The following TRAPPC9 variants were observed in gnomAD, a reference collection of about 807,000 sequenced individuals.
TRAPPC9 encodes trafficking protein particle complex subunit 9.
TRAPPC9 carries 83 observed loss-of-function variants against 124.0 expected under a neutral mutation model. That is an observed-to-expected ratio of 0.67 (90% CI 0.56 to 0.80). TRAPPC9 has a LOEUF of 0.80. Among genes scored for constraint, TRAPPC9 ranks in the 30% least tolerant of loss-of-function variants. TRAPPC9 has a pLI of 0.00. For missense variants in TRAPPC9, 1,302 were observed against 1,508.3 expected (o/e 0.86, Z 2.27); for synonymous variants, 638 against 617.5 (o/e 1.03, Z -0.49).
chr8:140,263,685 A>G (rs1563893707), intron 15 of TRAPPC9, among the ~76,000 whole-genome samples: 1 of 152,226 alleles, frequency 6.6e-6, no homozygotes, highest in African/African-American at 2.4e-5. Flanking sequence ...GGAGGGGACA[A>G]TGGTCACAGA....
At chr8:140,450,727 G>T in intron 2 of TRAPPC9, 63 bp downstream of exon 2, 2 of 1,264,318 alleles carry the variant, frequency 1.6e-6, no homozygotes, top group South Asian at 1.3e-5. Flanking sequence ...ATGAAATTCT[G>T]CCCTGTGCTT....
intron 17 of TRAPPC9, among the ~76,000 whole-genome samples, chr8:140,052,019 C>A (rs1842033332): frequency 1.3e-5 from 2 of 152,088 alleles, no homozygotes; most frequent in African/African-American, 4.8e-5. Context: ...CTCTCCAGCA[C>A]CAGTAGTTAA....
At chr8:140,235,385 G>A (rs2063707750) in intron 16 of TRAPPC9, among the ~76,000 whole-genome samples, 1 of 152,154 alleles carries the variant, frequency 6.6e-6, no homozygotes, top group African/African-American at 2.4e-5. Context: ...TAAAATGTGT[G>A]CAATACTCAT....
intron 17 of TRAPPC9, among the ~76,000 whole-genome samples, chr8:140,129,489 A>C (rs2061164889): frequency 6.6e-6 from 1 of 152,158 alleles, no homozygotes; most frequent in Non-Finnish European, 1.5e-5. Flanking sequence ...ATCGGAGCCA[A>C]GGAGGGGTCT....
intron 9 of TRAPPC9, among the ~76,000 whole-genome samples, chr8:140,328,674 T>C (rs2066806186): frequency 6.6e-6 from 1 of 151,920 alleles, no homozygotes; most frequent in Admixed American, 6.6e-5. Context: ...CTAAAGAACT[T>C]ACTCAGGTAA....
intron 21 of TRAPPC9, among the ~76,000 whole-genome samples, chr8:139,858,077 C>T (rs1827910053): frequency 6.6e-6 from 1 of 152,234 alleles, no homozygotes; most frequent in South Asian, 2.1e-4. Context: ...ACCAAAGCAT[C>T]ATGGCAAATA....
chr8:140,443,412 G>A (rs1313729229), intron 2 of TRAPPC9, among the ~76,000 whole-genome samples: 3 of 151,780 alleles, frequency 2.0e-5, no homozygotes, highest in Non-Finnish European at 4.4e-5. Flanking sequence ...CTCCAGCGTG[G>A]GCGACAGAGC....
At chr8:140,340,012 A>T (rs1484202113) in intron 9 of TRAPPC9, among the ~76,000 whole-genome samples, 5 of 152,008 alleles carry the variant, frequency 3.3e-5, no homozygotes, top group Non-Finnish European at 5.9e-5. Flanking sequence ...CACGCAGCTA[A>T]TTTTTTGTAT....
chr8:140,132,214 G>A (rs142904764), intron 17 of TRAPPC9, among the ~76,000 whole-genome samples: 71 of 152,256 alleles, frequency 4.7e-4, no homozygotes, highest in African/African-American at 1.6e-3. Context: ...ACAGTCCTCC[G>A]TCCAAAGGCT....
intron 7 of TRAPPC9, among the ~76,000 whole-genome samples, chr8:140,396,964 G>A (rs113603864): frequency 0.047 from 6,240 of 131,648 alleles, 422 homozygotes; most frequent in African/African-American, 0.15. Context: ...TTAGCACAAC[G>A]CCCTCCTAAG....
intron 17 of TRAPPC9, among the ~76,000 whole-genome samples, chr8:140,025,033 G>C (rs1246922350): frequency 6.6e-6 from 1 of 152,206 alleles, no homozygotes; most frequent in Non-Finnish European, 1.5e-5. Context: ...GGTACCCAGT[G>C]AGAGGCGAAG....
At chr8:140,234,639 TTG>T (rs1389068646) in intron 16 of TRAPPC9, among the ~76,000 whole-genome samples, 2 of 152,234 alleles carry the variant, frequency 1.3e-5, no homozygotes, top group Non-Finnish European at 2.9e-5. Flanking sequence ...AAGAAGGAAA[TTG>T]TGTAAGTCCT....
At chr8:140,136,283 C>G (rs1563788771) in intron 17 of TRAPPC9, among the ~76,000 whole-genome samples, 2 of 152,172 alleles carry the variant, frequency 1.3e-5, no homozygotes, top group Admixed American at 6.5e-5. Context: ...AGGTGACCAT[C>G]AGGGGATCCG....
At chr8:139,773,995 C>T (rs897333365) in intron 21 of TRAPPC9, among the ~76,000 whole-genome samples, 3 of 152,154 alleles carry the variant, frequency 2.0e-5, no homozygotes, top group Non-Finnish European at 2.9e-5. Flanking sequence ...AGGCCGGCTG[C>T]GAGGGGAGAG....
intron 19 of TRAPPC9, among the ~76,000 whole-genome samples, chr8:139,937,693 G>T (rs1004359592): frequency 6.6e-6 from 1 of 152,174 alleles, no homozygotes. Flanking sequence ...CCTGGCAGAC[G>T]GCAGGGCAGT....
At chr8:140,028,250 G>T (rs1460877179) in intron 17 of TRAPPC9, among the ~76,000 whole-genome samples, 2 of 152,094 alleles carry the variant, frequency 1.3e-5, no homozygotes, top group Non-Finnish European at 2.9e-5. Context: ...GACTTCATAA[G>T]ATGTTCCCAT....
At chr8:140,451,420 A>T in intron 1 of TRAPPC9, 37 bp from the exon 2 acceptor site, 1 of 1,551,588 alleles carries the variant, frequency 6.4e-7, no homozygotes, top group South Asian at 1.1e-5. Context: ...TGAGACACAG[A>T]GTCCTGAGTG....
chr8:140,275,754 T>C lies in TRAPPC9; in HGVS notation c.2182A>G (p.Asn728Asp), dbSNP rs2065096904. The change falls in exon 15 of 23, where the codon AAT becomes GAT. Residue 728 changes from asparagine to aspartate, a missense_variant. Around this residue, in one of 3 missense-constraint regions of TRAPPC9, gnomAD observed 640 missense variants for 679.3 expected, o/e 0.94. Coordinates refer to ENST00000438773, the MANE Select transcript of TRAPPC9 (RefSeq NM_001160372.4). ...ATGATTAGTTGCTGACTTTCTCCATTGTAAAGCTGGACAGATACATTAGTA... is the reference window on the plus strand; with the variant it reads ...ATGATTAGTTGCTGACTTTCTCCATCGTAAAGCTGGACAGATACATTAGTA... ...ISTNVSVQLY[N>D]GESQQLIIKL... 1.2e-6 allele frequency: 2 copies of C among 1,613,768 alleles called. No individual in the cohort carries two copies. Among genetic ancestry groups the C allele is most frequent in the Admixed American group, 3.3e-5 (2 of 60,026 alleles).
At chr8:139,927,905 G>A (rs1460802151) in intron 19 of TRAPPC9, among the ~76,000 whole-genome samples, 1 of 152,034 alleles carries the variant, frequency 6.6e-6, no homozygotes, top group Admixed American at 6.5e-5. Flanking sequence ...TGGAACACAA[G>A]AGCTAATCCA....
Sources: allele counts gnomAD v4.1 joint callset (sites outside exome capture counted in the v4.1 genomes callset), GRCh38; gene constraint gnomAD v4.1.1; regional missense constraint gnomAD v4.1.1; transcripts MANE v1.5; gene names NCBI Gene and HGNC (gene_info 2026-07-23, HGNC 2026-07-21).